CXCL13: variants seen among roughly 807,000 people sequenced by gnomAD.
CXCL13 encodes the protein C-X-C motif chemokine ligand 13.
A neutral mutation model predicts 12.2 loss-of-function variants in CXCL13; 7 were observed. The ratio of observed to expected loss-of-function variants is 0.57; its 90% CI spans 0.33 to 1.07. The LOEUF is 1.07. Among genes scored for constraint, CXCL13 ranks in the 50% least tolerant of loss-of-function variants. The pLI, the probability that CXCL13 is intolerant of heterozygous loss-of-function variation, is 0.04. For missense variants in CXCL13, 113 were observed against 127.4 expected, an observed-to-expected ratio of 0.89 and a Z score of 0.55; for synonymous variants, 47 against 42.4, an observed-to-expected ratio of 1.11 and a Z score of -0.42.
chr4:77,594,660 T>G (rs1330728731), intron 1 of CXCL13, among the ~76,000 whole-genome samples: 1 of 151,338 alleles, frequency 6.6e-6, no homozygotes, highest in Non-Finnish European at 1.5e-5. Flanking sequence ...CTTTCCCAGG[T>G]CCACATTCAA....
At chr4:77,580,741 CCT>C (rs1476042044) in intron 1 of CXCL13, among the ~76,000 whole-genome samples, 1 of 109,004 alleles carries the variant, frequency 9.2e-6, no homozygotes, top group African/African-American at 3.6e-5. Context: ...CCTCTCCTCC[CCT>C]GTCTTCCCCT....
chr4:77,607,649 G>A, intron 1 of CXCL13, 54 bp from the exon 2 acceptor site: 1 of 1,534,766 alleles, frequency 6.5e-7, no homozygotes, highest in South Asian at 1.2e-5. Flanking sequence ...TTAAATTCTA[G>A]TTATGAATTA....
intron 1 of CXCL13, among the ~76,000 whole-genome samples, chr4:77,535,885 C>T (rs565721792): frequency 6.6e-6 from 1 of 152,186 alleles, no homozygotes; most frequent in African/African-American, 2.4e-5. Flanking sequence ...GACAAGCCAT[C>T]CTCACTATGC....
upstream of CXCL13, among the ~76,000 whole-genome samples, chr4:77,604,927 C>A (rs2109836881): frequency 6.6e-6 from 1 of 152,256 alleles, no homozygotes; most frequent in East Asian, 1.9e-4. Context: ...GCCAGACTAG[C>A]CAGTCTACAT....
intron 1 of CXCL13, among the ~76,000 whole-genome samples, chr4:77,515,618 T>A (rs537480694): frequency 6.6e-6 from 1 of 152,190 alleles, no homozygotes; most frequent in East Asian, 1.9e-4. Context: ...TGTCTGTTAT[T>A]GGTGTATAAG....
chr4:77,565,371 G>T (rs1036890682), intron 1 of CXCL13, among the ~76,000 whole-genome samples: 1 of 152,158 alleles, frequency 6.6e-6, no homozygotes, highest in Non-Finnish European at 1.5e-5. Context: ...ACCTGGGTCA[G>T]TGAAGAAAGG....
chr4:77,586,622 T>C (rs1458542405), intron 1 of CXCL13, among the ~76,000 whole-genome samples: 4 of 152,192 alleles, frequency 2.6e-5, no homozygotes, highest in Admixed American at 2.6e-4. Flanking sequence ...GGCTGCATAT[T>C]CAGGACAGGA....
At position 77,605,932 on chromosome 4, in the gene CXCL13, G is replaced by T; in HGVS notation, c.64+3G>T. ...CAGCAGCCTCTCTCCAGTCCAAGGT[G>T]AGAAATTTCATTTACATTTCACTGT... On this transcript the variant is annotated splice_donor_region_variant and intron_variant, in intron 1 of 3. Transcript: ENST00000682537. 1 of 1,590,380 alleles carries T rather than the reference G, an allele frequency of 6.3e-7. No homozygotes were observed. Among genetic ancestry groups the T allele is most frequent in the South Asian group, 1.1e-5 (1 of 87,872 alleles).
intron 1 of CXCL13, among the ~76,000 whole-genome samples, chr4:77,541,072 C>T (rs1228589637): frequency 5.3e-5 from 8 of 152,016 alleles, no homozygotes; most frequent in African/African-American, 1.9e-4. Context: ...AGTGTCTGTT[C>T]GTGTCTTTTG....
At chr4:77,514,860 T>C (rs1208676415) in intron 1 of CXCL13, among the ~76,000 whole-genome samples, 1 of 152,224 alleles carries the variant, frequency 6.6e-6, no homozygotes, top group Non-Finnish European at 1.5e-5. Flanking sequence ...CTTTTGGTGT[T>C]TTAGACATGA....
intron 1 of CXCL13, among the ~76,000 whole-genome samples, chr4:77,573,458 A>G (rs1047239191): frequency 2.0e-5 from 3 of 150,936 alleles, no homozygotes; most frequent in Non-Finnish European, 4.4e-5. Flanking sequence ...CATATATTGT[A>G]TCTACAGAGT....
At chr4:77,539,438 T>C (rs1014055667) in intron 1 of CXCL13, among the ~76,000 whole-genome samples, 44 of 152,298 alleles carry the variant, frequency 2.9e-4, no homozygotes, top group African/African-American at 9.9e-4. Context: ...CAGTTTGACC[T>C]TTTGACTTGA....
At chr4:77,561,839 G>A (rs1157042151) in intron 1 of CXCL13, among the ~76,000 whole-genome samples, 1 of 152,218 alleles carries the variant, frequency 6.6e-6, no homozygotes, top group Non-Finnish European at 1.5e-5. Flanking sequence ...CCCTCTCTGG[G>A]CTGGCCGAGG....
At chr4:77,516,759 G>T (rs936807399) in intron 1 of CXCL13, among the ~76,000 whole-genome samples, 23 of 152,082 alleles carry the variant, frequency 1.5e-4, no homozygotes, top group Non-Finnish European at 2.9e-4. Flanking sequence ...CAAAAAACCA[G>T]CTCCTGGATT....
rs1726989744 is a variant in CXCL13, at chr4:77,605,856, TC to T, written c.-8del. ...TCAGAGCTCAAGTCTGAACTCTACCTCCAGACAGAATGAAGTTCATCTCGAC... is the reference window on the plus strand; with the variant it reads ...TCAGAGCTCAAGTCTGAACTCTACCTCAGACAGAATGAAGTTCATCTCGAC... On this transcript the variant is annotated 5_prime_UTR_variant, in exon 1 of 4. Transcript: ENST00000682537. 2 of 1,600,778 alleles carry T rather than the reference TC, an allele frequency of 1.2e-6. No homozygotes were observed.
chr4:77,569,527 A>T (rs1025050271), intron 1 of CXCL13, among the ~76,000 whole-genome samples: 3 of 152,128 alleles, frequency 2.0e-5, no homozygotes, highest in Non-Finnish European at 4.4e-5. Flanking sequence ...TGCCACACAC[A>T]CACATACTAC....
intron 1 of CXCL13, among the ~76,000 whole-genome samples, chr4:77,512,179 G>T (rs1724294207): frequency 6.6e-6 from 1 of 152,196 alleles, no homozygotes. Context: ...TAATTAGCCT[G>T]CTTGCTGCCT....
chr4:77,578,187 A>AC (rs530486643), intron 1 of CXCL13, among the ~76,000 whole-genome samples: 116 of 151,832 alleles, frequency 7.6e-4, no homozygotes, highest in African/African-American at 2.6e-3. Flanking sequence ...GACTTTATCC[A>AC]CCCCCCTTGT....
At chr4:77,558,196 C>A (rs556372573) in intron 1 of CXCL13, among the ~76,000 whole-genome samples, 1 of 152,366 alleles carries the variant, frequency 6.6e-6, no homozygotes, top group South Asian at 2.1e-4. Flanking sequence ...ATGCCTCTGG[C>A]TGTTTTTGCA....
Sources: allele counts gnomAD v4.1 joint callset (sites outside exome capture counted in the v4.1 genomes callset), GRCh38; gene constraint gnomAD v4.1.1; transcripts MANE v1.5; gene names NCBI Gene and HGNC (gene_info 2026-07-23, HGNC 2026-07-21).